DLC1: variants seen among roughly 807,000 people sequenced by gnomAD.
DLC1 encodes DLC1 Rho GTPase activating protein, also known as rho GTPase-activating protein 7.
A neutral mutation model predicts 140.3 loss-of-function variants in DLC1; 54 were observed. The observed-to-expected ratio is 0.38, with a 90% CI of 0.31 to 0.48. DLC1 has a LOEUF of 0.48. Ranked by LOEUF, DLC1 falls within the 20% of genes least tolerant of loss-of-function variation. DLC1 has a pLI of 0.96. For synonymous variants in DLC1, 986 were observed against 728.1 expected (o/e 1.35, Z -5.70); for missense variants, 2,536 against 1,907.0 (o/e 1.33, Z -6.14).
chr8:13,294,572 C>T (rs1831876579), intron 5 of DLC1, among the ~76,000 whole-genome samples: 1 of 152,094 alleles, frequency 6.6e-6, no homozygotes, highest in Admixed American at 6.6e-5. Flanking sequence ...GAGCAAAGGT[C>T]AAGTTATGCA....
chr8:13,492,492 C>G (rs111352514), intron 2 of DLC1, among the ~76,000 whole-genome samples: 251 of 5,894 alleles, frequency 0.043, 1 homozygote, highest in Middle Eastern at 0.25. Context: ...CTATCACTTA[C>G]TCTCTCTGTC....
intron 5 of DLC1, among the ~76,000 whole-genome samples, chr8:13,284,131 C>T (rs1356149190): frequency 1.3e-5 from 2 of 152,176 alleles, no homozygotes; most frequent in African/African-American, 4.8e-5. Flanking sequence ...AAATACGGAG[C>T]ATTAGATATA....
intron 1 of DLC1, among the ~76,000 whole-genome samples, chr8:13,544,164 CCT>C (rs1209897932): frequency 1.3e-5 from 2 of 150,314 alleles, no homozygotes; most frequent in African/African-American, 4.9e-5. Flanking sequence ...CTCTCTCTCT[CCT>C]CTCTTTGTCA....
intron 1 of DLC1, among the ~76,000 whole-genome samples, chr8:13,551,957 A>G (rs1304490277): frequency 2.1e-5 from 3 of 143,644 alleles, no homozygotes; most frequent in Non-Finnish European, 4.6e-5. Flanking sequence ...ACCTCTAGAC[A>G]GGTGTATATG....
At chr8:13,199,515 C>T (rs1339173326) in intron 5 of DLC1, among the ~76,000 whole-genome samples, 1 of 152,114 alleles carries the variant, frequency 6.6e-6, no homozygotes, top group Non-Finnish European at 1.5e-5. Flanking sequence ...CAACATCATG[C>T]CCCCTGGGAA....
At chr8:13,345,040 G>T (rs1834262398) in intron 4 of DLC1, among the ~76,000 whole-genome samples, 1 of 152,134 alleles carries the variant, frequency 6.6e-6, no homozygotes. Context: ...TAGTGAAGTA[G>T]AAAATGAATT....
At chr8:13,474,479 C>A (rs563265531) in intron 2 of DLC1, among the ~76,000 whole-genome samples, 20 of 152,256 alleles carry the variant, frequency 1.3e-4, no homozygotes, top group Non-Finnish European at 2.8e-4. Flanking sequence ...TGGGGCACTG[C>A]CTAGTGGAGC....
intron 2 of DLC1, among the ~76,000 whole-genome samples, chr8:13,493,520 C>A (rs1801359859): frequency 6.6e-6 from 1 of 152,094 alleles, no homozygotes; most frequent in South Asian, 2.1e-4. Context: ...ATTAGAAGAG[C>A]CATCGTTCCA....
At chr8:13,457,486 G>A (rs755222477) in intron 2 of DLC1, among the ~76,000 whole-genome samples, 16 of 151,842 alleles carry the variant, frequency 1.1e-4, no homozygotes, top group African/African-American at 1.5e-4. Flanking sequence ...AGACCATCCT[G>A]GCCAACATGG....
intron 4 of DLC1, among the ~76,000 whole-genome samples, chr8:13,327,066 C>T (rs941002680): frequency 2.0e-5 from 3 of 151,920 alleles, no homozygotes; most frequent in South Asian, 2.1e-4. Flanking sequence ...GCCACTCTCC[C>T]GCCTCAGCCT....
chr8:13,367,422 C>A (rs1348348563), intron 4 of DLC1, among the ~76,000 whole-genome samples: 1 of 152,114 alleles, frequency 6.6e-6, no homozygotes, highest in Non-Finnish European at 1.5e-5. Flanking sequence ...TGTTAGCTTG[C>A]ATATCTCAAT....
At chr8:13,326,018 G>A (rs1833330231) in intron 4 of DLC1, among the ~76,000 whole-genome samples, 2 of 125,086 alleles carry the variant, frequency 1.6e-5, no homozygotes, top group African/African-American at 5.8e-5. Flanking sequence ...ATGGTGCTGC[G>A]CTATTTGGTT....
chr8:13,153,017 T>TCG (rs1229791291), intron 5 of DLC1, among the ~76,000 whole-genome samples: 7 of 152,188 alleles, frequency 4.6e-5, no homozygotes, highest in African/African-American at 1.4e-4. Context: ...ATTTTCATTT[T>TCG]CGCTTTGTGG....
intron 3 of DLC1, among the ~76,000 whole-genome samples, chr8:13,395,346 C>A (rs1350929828): frequency 6.6e-5 from 10 of 152,104 alleles, no homozygotes; most frequent in African/African-American, 2.4e-4. Context: ...TGGTCTCGAA[C>A]TCCTCACCTC....
chr8:13,449,244 G>A (rs1798933910), intron 2 of DLC1, among the ~76,000 whole-genome samples: 2 of 152,122 alleles, frequency 1.3e-5, no homozygotes, highest in African/African-American at 4.8e-5. Flanking sequence ...TTGGAGATGT[G>A]GAGATTGGCA....
Position 13,579,362 on chromosome 8 carries a change from T to TAAAATACATA in DLC1, c.-126+25174_-126+25175insTATGTATTTT, listed in dbSNP as rs1491321757. On this transcript the variant is annotated intron_variant, in intron 1 of 1. Coordinates refer to the DLC1 transcript ENST00000631382. Reference sequence around the variant, plus strand: ...ATATATATATATATATATATATATATTTTTATATAATACATATTTATATAT... The same window carrying TAAAATACATA: ...ATATATATATATATATATATATATATAAAATACATATTTTATATAATACATATTTATATAT... Among the ~76,000 whole-genome samples, 5 of 26,928 alleles carry TAAAATACATA rather than the reference T, an allele frequency of 1.9e-4. 1 individual carries two copies. Among genetic ancestry groups the TAAAATACATA allele is most frequent in the South Asian group, 2.2e-3 (2 of 916 alleles). The allele number at this position is 26,928 out of a possible 152,430, so 17.7% of individuals were successfully genotyped here.
At chr8:13,377,458 A>C (rs1045574734) in intron 4 of DLC1, among the ~76,000 whole-genome samples, 7 of 152,190 alleles carry the variant, frequency 4.6e-5, no homozygotes, top group Admixed American at 2.6e-4. Context: ...CGGCTTTTAT[A>C]AACTACTATA....
intron 1 of DLC1, among the ~76,000 whole-genome samples, chr8:13,575,739 G>C (rs903015240): frequency 6.6e-6 from 1 of 152,210 alleles, no homozygotes; most frequent in Non-Finnish European, 1.5e-5. Flanking sequence ...ACTGGTAAGG[G>C]CAGTGAAAGT....
intron 4 of DLC1, among the ~76,000 whole-genome samples, chr8:13,385,898 A>T (rs1015101007): frequency 3.3e-5 from 5 of 152,234 alleles, no homozygotes; most frequent in African/African-American, 1.2e-4. Context: ...AAAATATTTA[A>T]TATGTAATTA....
Sources: gnomAD v4.1 joint callset for allele counts (sites outside exome capture counted in the v4.1 genomes callset) on GRCh38, gnomAD v4.1.1 for gene constraint, MANE v1.5 for transcripts, NCBI Gene and HGNC (gene_info 2026-07-23, HGNC 2026-07-21) for gene names.